Variants in QTMAN observed in about 807,000 individuals in gnomAD.
QTMAN encodes the protein queuosine-tRNA mannosyltransferase.
the QTMAN span, among the ~76,000 whole-genome samples, chr2:144,062,306 C>T: frequency 0.044 from 6,768 of 152,220 alleles, 266 homozygotes; most frequent in East Asian, 0.18. Flanking sequence ...AACAAGACAC[C>T]CATCACAATA....
At chr2:144,181,679 T>G in the QTMAN span, among the ~76,000 whole-genome samples, 1 of 151,870 alleles carries the variant, frequency 6.6e-6, no homozygotes, top group Non-Finnish European at 1.5e-5. Flanking sequence ...GGTGTGGTGG[T>G]GCATGCCTGT....
At chr2:143,998,348 CCTT>C in the QTMAN span, among the ~76,000 whole-genome samples, 1 of 151,866 alleles carries the variant, frequency 6.6e-6, no homozygotes, top group Non-Finnish European at 1.5e-5. Context: ...CTGAATTTTC[CCTT>C]CTTTTGTTTA....
At chr2:144,120,010 G>C in the QTMAN span, among the ~76,000 whole-genome samples, 1 of 152,106 alleles carries the variant, frequency 6.6e-6, no homozygotes, top group East Asian at 1.9e-4. Context: ...TATATCATTA[G>C]GATATTAGAG....
the QTMAN span, among the ~76,000 whole-genome samples, chr2:144,033,923 T>C: frequency 6.6e-6 from 1 of 152,216 alleles, no homozygotes; most frequent in Non-Finnish European, 1.5e-5. Flanking sequence ...ATTATATCAT[T>C]GTATCACAAA....
the QTMAN span, among the ~76,000 whole-genome samples, chr2:143,993,300 T>C: frequency 1.3e-5 from 2 of 151,964 alleles, no homozygotes; most frequent in African/African-American, 4.8e-5. Flanking sequence ...AATAACTTCA[T>C]AGTGATTGCA....
chr2:144,078,140 T>A, the QTMAN span, among the ~76,000 whole-genome samples: 1 of 152,220 alleles, frequency 6.6e-6, no homozygotes, highest in South Asian at 2.1e-4. Context: ...CATTTATTGT[T>A]CAGTTCACAG....
chr2:144,133,151 A>ATATATATAATATATATAT, the QTMAN span, among the ~76,000 whole-genome samples: 6 of 51,388 alleles, frequency 1.2e-4, no homozygotes, highest in African/African-American at 4.5e-4. Flanking sequence ...ATATATATAT[A>ATATATATAATATATATAT]ATATAATATA....
At chr2:144,070,424 T>C in the QTMAN span, among the ~76,000 whole-genome samples, 1 of 152,128 alleles carries the variant, frequency 6.6e-6, no homozygotes, top group Admixed American at 6.5e-5. Flanking sequence ...AAGACAGCAG[T>C]TTACATTTAT....
At chr2:144,228,461 C>T in the QTMAN span, among the ~76,000 whole-genome samples, 2 of 152,072 alleles carry the variant, frequency 1.3e-5, no homozygotes, top group Non-Finnish European at 2.9e-5. Flanking sequence ...CCTTCAATCC[C>T]TCAAATCTAT....
the QTMAN span, among the ~76,000 whole-genome samples, chr2:144,034,636 A>C: frequency 6.6e-6 from 1 of 152,142 alleles, no homozygotes; most frequent in Non-Finnish European, 1.5e-5. Flanking sequence ...AAAAAATCTT[A>C]AGTTTTTAAA....
chr2:144,320,843 C>T, the QTMAN span, among the ~76,000 whole-genome samples: 6 of 152,114 alleles, frequency 3.9e-5, no homozygotes, highest in Non-Finnish European at 8.8e-5. Context: ...CTGCATATTC[C>T]AACACTCCTC....
At chr2:144,188,845 A>G in the QTMAN span, among the ~76,000 whole-genome samples, 1 of 152,308 alleles carries the variant, frequency 6.6e-6, no homozygotes, top group East Asian at 1.9e-4. Flanking sequence ...CAATCTGTCC[A>G]ATTAGTGTTT....
At chr2:144,208,581 A>G in the QTMAN span, 26 of 1,598,562 alleles carry the variant, frequency 1.6e-5, no homozygotes, top group Non-Finnish European at 1.9e-5. Flanking sequence ...AACGCTGAAA[A>G]TGCATCCTGA....
At chr2:144,072,302 C>A in the QTMAN span, among the ~76,000 whole-genome samples, 1 of 152,090 alleles carries the variant, frequency 6.6e-6, no homozygotes, top group African/African-American at 2.4e-5. Context: ...TTTTTGGTTT[C>A]ACTGTAGCAA....
At chr2:144,040,075 C>T in the QTMAN span, among the ~76,000 whole-genome samples, 3 of 152,276 alleles carry the variant, frequency 2.0e-5, no homozygotes, top group East Asian at 3.9e-4. Flanking sequence ...TGCCCCTTTG[C>T]TTCCATTGAC....
At chr2:144,115,345 G>A in the QTMAN span, among the ~76,000 whole-genome samples, 3 of 152,208 alleles carry the variant, frequency 2.0e-5, no homozygotes, top group Non-Finnish European at 4.4e-5. Flanking sequence ...GCAAGGTTTT[G>A]TACAGCCAAA....
At chr2:144,105,202 C>G in the QTMAN span, among the ~76,000 whole-genome samples, 5 of 152,128 alleles carry the variant, frequency 3.3e-5, no homozygotes, top group Non-Finnish European at 7.4e-5. Flanking sequence ...GAGCGCCTCT[C>G]CCCCTCCAAA....
At chr2:144,192,520 T>C in the QTMAN span, among the ~76,000 whole-genome samples, 1 of 152,188 alleles carries the variant, frequency 6.6e-6, no homozygotes, top group South Asian at 2.1e-4. Flanking sequence ...TCAAATATAT[T>C]TCTCCATCTC....
chr2:144,062,911 C>T, the QTMAN span, among the ~76,000 whole-genome samples: 1 of 152,062 alleles, frequency 6.6e-6, no homozygotes, highest in African/African-American at 2.4e-5. Flanking sequence ...TGACCAGAAC[C>T]AGTTCCTGTA....
Sources: allele counts gnomAD v4.1 joint callset (sites outside exome capture counted in the v4.1 genomes callset), GRCh38; gene constraint gnomAD v4.1.1; transcripts MANE v1.5; gene names NCBI Gene and HGNC (gene_info 2026-07-23, HGNC 2026-07-21).